SETBP1: variants seen among roughly 807,000 people sequenced by gnomAD.
SETBP1 encodes the protein SET-binding protein.
In SETBP1, 9 loss-of-function variants were observed where a neutral mutation model predicts 101.0. The ratio of observed to expected loss-of-function variants is 0.09; its 90% CI spans 0.05 to 0.16. The LOEUF (loss-of-function observed/expected upper bound fraction) is 0.16, where lower values mean the gene tolerates loss of function less well. Ranked by LOEUF, SETBP1 falls within the 10% of genes least tolerant of loss-of-function variation. SETBP1 has a pLI of 1.00. For missense variants in SETBP1, 1,858 were observed against 2,033.8 expected (o/e 0.91, Z 1.66); for synonymous variants, 818 against 788.5 (o/e 1.04, Z -0.63).
chr18:44,756,216 CAAA>C (rs34254211), intron 2 of SETBP1, among the ~76,000 whole-genome samples: 6 of 108,214 alleles, frequency 5.5e-5, no homozygotes, highest in Admixed American at 9.7e-5. Flanking sequence ...GACTCCATGT[CAAA>C]AAAAAAAAAA....
intron 2 of SETBP1, among the ~76,000 whole-genome samples, chr18:44,717,155 G>A (rs912708371): frequency 5.3e-5 from 8 of 152,186 alleles, no homozygotes; most frequent in Non-Finnish European, 1.2e-4. Flanking sequence ...GAGCTCCAAG[G>A]CAGCCACCGT....
intron 4 of SETBP1, among the ~76,000 whole-genome samples, chr18:45,033,039 C>A (rs995999479): frequency 6.6e-6 from 1 of 152,126 alleles, no homozygotes; most frequent in African/African-American, 2.4e-5. Context: ...TTTCCCAAAA[C>A]CTACGGGTAT....
At chr18:45,059,025 G>C (rs550251702) in intron 5 of SETBP1, among the ~76,000 whole-genome samples, 1 of 152,240 alleles carries the variant, frequency 6.6e-6, no homozygotes, top group East Asian at 1.9e-4. Context: ...GCACTGTCCA[G>C]CCCTAAGATT....
At chr18:45,038,405 C>G in intron 4 of SETBP1, 80 bp from the exon 5 acceptor site, 1 of 1,277,928 alleles carries the variant, frequency 7.8e-7, no homozygotes, top group East Asian at 2.3e-5. Context: ...ACCATTTCCT[C>G]AGATCATGTC....
At chr18:44,711,704 ATTTTTTT>A (rs11376628) in intron 2 of SETBP1, among the ~76,000 whole-genome samples, 1 of 125,636 alleles carries the variant, frequency 8.0e-6, no homozygotes, top group African/African-American at 3.1e-5. Flanking sequence ...TTATCTTTAA[ATTTTTTT>A]TTTTTTTTTT....
chr18:44,909,022 C>T (rs2070242459), intron 3 of SETBP1, among the ~76,000 whole-genome samples: 1 of 152,156 alleles, frequency 6.6e-6, no homozygotes, highest in Admixed American at 6.6e-5. Context: ...TGACCTTTCC[C>T]AGCTTACACA....
intron 2 of SETBP1, among the ~76,000 whole-genome samples, chr18:44,831,749 T>G (rs1212523003): frequency 3.3e-5 from 5 of 152,206 alleles, no homozygotes; most frequent in Admixed American, 6.5e-5. Context: ...TACTATTGGT[T>G]CTGGGTAACA....
At chr18:44,876,967 G>C in intron 3 of SETBP1, 1 of 1,250,330 alleles carries the variant, frequency 8.0e-7, no homozygotes, top group Non-Finnish European at 1.0e-6. Context: ...TGCATTAGGC[G>C]GCCCTGATGC....
At chr18:44,882,869 C>G (rs575334870) in intron 3 of SETBP1, among the ~76,000 whole-genome samples, 1 of 152,222 alleles carries the variant, frequency 6.6e-6, no homozygotes, top group East Asian at 1.9e-4. Flanking sequence ...GGTACTTCAG[C>G]CAGTGCATTT....
At chr18:45,042,146 C>CTTTTT (rs556269689) in intron 5 of SETBP1, among the ~76,000 whole-genome samples, 3 of 82,690 alleles carry the variant, frequency 3.6e-5, no homozygotes, top group African/African-American at 4.8e-5. Context: ...CTTGAAACTG[C>CTTTTT]TTTTTTTTTT....
At chr18:44,835,206 A>C (rs2072470912) in intron 2 of SETBP1, among the ~76,000 whole-genome samples, 1 of 152,152 alleles carries the variant, frequency 6.6e-6, no homozygotes, top group Non-Finnish European at 1.5e-5. Context: ...TGCAGTGCTC[A>C]GGACAGCTCT....
intron 1 of SETBP1, among the ~76,000 whole-genome samples, chr18:44,687,264 G>A (rs78017113): frequency 6.6e-6 from 1 of 152,164 alleles, no homozygotes; most frequent in African/African-American, 2.4e-5. Context: ...GGTATAGAGT[G>A]TCCCTTCTAA....
intron 4 of SETBP1, among the ~76,000 whole-genome samples, chr18:45,018,651 C>T (rs2072997444): frequency 6.6e-6 from 1 of 152,202 alleles, no homozygotes; most frequent in Non-Finnish European, 1.5e-5. Context: ...TCATTGAAGC[C>T]TCACAACAAA....
intron 3 of SETBP1, among the ~76,000 whole-genome samples, chr18:44,891,428 C>T (rs561718410): frequency 6.6e-6 from 1 of 152,224 alleles, no homozygotes; most frequent in African/African-American, 2.4e-5. Context: ...GCTTGTAAGG[C>T]ACTGCAGTGC....
At chr18:44,687,298 G>T (rs2068854958) in intron 1 of SETBP1, among the ~76,000 whole-genome samples, 1 of 152,186 alleles carries the variant, frequency 6.6e-6, no homozygotes, top group African/African-American at 2.4e-5. Flanking sequence ...TATAGCTAGA[G>T]GTGTCCTAGG....
chr18:44,912,890 G>A (rs1479276303), intron 3 of SETBP1, among the ~76,000 whole-genome samples: 1 of 152,114 alleles, frequency 6.6e-6, no homozygotes, highest in Non-Finnish European at 1.5e-5. Context: ...AGGATGCAGT[G>A]GGGACAGGTG....
chr18:45,025,052 T>A (rs2073138407), intron 4 of SETBP1, among the ~76,000 whole-genome samples: 2 of 152,206 alleles, frequency 1.3e-5, no homozygotes, highest in Non-Finnish European at 2.9e-5. Flanking sequence ...AAATTTCCAC[T>A]AACAAGATAA....
intron 3 of SETBP1, among the ~76,000 whole-genome samples, chr18:44,914,621 G>A (rs141218013): frequency 3.0e-4 from 46 of 152,290 alleles, no homozygotes; most frequent in African/African-American, 1.1e-3. Flanking sequence ...TCAAATGATG[G>A]TGGGAGGTGG....
intron 4 of SETBP1, among the ~76,000 whole-genome samples, chr18:44,979,352 C>T (rs1464809314): frequency 6.6e-6 from 1 of 152,182 alleles, no homozygotes. Context: ...AGGATAATTT[C>T]AAAGGAGCTG....
Sources: gnomAD v4.1 joint callset for allele counts (sites outside exome capture counted in the v4.1 genomes callset) on GRCh38, gnomAD v4.1.1 for gene constraint, MANE v1.5 for transcripts, NCBI Gene and HGNC (gene_info 2026-07-23, HGNC 2026-07-21) for gene names.